PTPN4: variants seen among roughly 807,000 people sequenced by gnomAD.
The protein encoded by PTPN4 is tyrosine-protein phosphatase non-receptor type 4.
Under a neutral mutation model 135.5 loss-of-function variants are expected in PTPN4, and 49 were observed. That is an observed-to-expected ratio of 0.36 (90% CI 0.29 to 0.46). The LOEUF (loss-of-function observed/expected upper bound fraction) is 0.46, where lower values mean the gene tolerates loss of function less well. Among genes scored for constraint, PTPN4 ranks in the 20% least tolerant of loss-of-function variants. The pLI is 1.00. For missense variants in PTPN4, 860 were observed against 1,101.0 expected (o/e 0.78, Z 3.10); for synonymous variants, 333 against 369.9 (o/e 0.90, Z 1.14).
intron 2 of PTPN4, among the ~76,000 whole-genome samples, chr2:119,837,481 G>T (rs945939130): frequency 5.9e-5 from 9 of 151,718 alleles, no homozygotes; most frequent in Non-Finnish European, 1.3e-4. Context: ...GAGCTATGCT[G>T]TCGCTCCGTG....
chr2:119,881,832 TG>T lies in PTPN4; in HGVS notation c.413+5del. On this transcript the variant is annotated splice_donor_region_variant and intron_variant, in intron 6 of 26. Transcript: ENST00000263708. ...TAAACAAGACATTCTTACTGGAAGG[TG>T]GGCTCTTTAAATTTCTTAAAAAATT... 6.4e-7 allele frequency: 1 copy of T among 1,554,796 alleles called. No individual in the cohort carries two copies.
At chr2:119,963,755 C>A (rs1313582744) in intron 24 of PTPN4, among the ~76,000 whole-genome samples, 1 of 152,182 alleles carries the variant, frequency 6.6e-6, no homozygotes, top group East Asian at 1.9e-4. Context: ...CTGTGTAGCT[C>A]ATGGTCTAAT....
intron 26 of PTPN4, among the ~76,000 whole-genome samples, chr2:119,968,861 CTGAG>C (rs1679485274): frequency 6.6e-6 from 1 of 152,130 alleles, no homozygotes; most frequent in Admixed American, 6.5e-5. Context: ...GCATTCTACA[CTGAG>C]TATTAATTAT....
At chr2:119,943,515 A>G (rs982126996) in intron 15 of PTPN4, among the ~76,000 whole-genome samples, 1 of 151,206 alleles carries the variant, frequency 6.6e-6, no homozygotes, top group African/African-American at 2.4e-5. Context: ...TGTTTGGGAC[A>G]TGGCTAGTCT....
At chr2:119,826,688 T>C (rs112588018) in intron 2 of PTPN4, among the ~76,000 whole-genome samples, 2 of 152,340 alleles carry the variant, frequency 1.3e-5, no homozygotes, top group African/African-American at 4.8e-5. Context: ...AAAACTGTGC[T>C]CTAAGGTTAA....
intron 1 of PTPN4, among the ~76,000 whole-genome samples, chr2:119,778,059 T>C (rs911555584): frequency 3.3e-5 from 5 of 152,148 alleles, no homozygotes; most frequent in Non-Finnish European, 7.4e-5. Context: ...TAATAAAATA[T>C]TTTTTGCTAG....
intron 16 of PTPN4, among the ~76,000 whole-genome samples, chr2:119,945,490 A>T (rs193020804): frequency 2.2e-3 from 328 of 152,246 alleles, no homozygotes; most frequent in Middle Eastern, 6.8e-3. Flanking sequence ...CCTATAAGAG[A>T]TCATCTCTGA....
intron 10 of PTPN4, among the ~76,000 whole-genome samples, chr2:119,907,373 G>A (rs1374518073): frequency 6.6e-6 from 1 of 152,166 alleles, no homozygotes; most frequent in African/African-American, 2.4e-5. Context: ...GCCAAGGCAA[G>A]AGGATTGCTT....
chr2:119,915,159 A>T lies in PTPN4; in HGVS notation c.765-20A>T. 1 of 1,500,956 alleles carries T rather than the reference A, an allele frequency of 6.7e-7. No individual in the cohort carries two copies. The highest frequency in any genetic ancestry group is 8.9e-7 in the Non-Finnish European group (1 of 1,118,714). The allele number at this position is 1,500,956 out of a possible 1,614,324, so 93.0% of individuals were successfully genotyped here. ...TTATCATTATTCAATACTTTGAATA[A>T]TTTATTGTCTTTTGTCCAGGTTGAA... On this transcript the variant is annotated intron_variant, in intron 10 of 26. Transcript: ENST00000263708.
chr2:119,798,403 G>A (rs2104940703), intron 1 of PTPN4, among the ~76,000 whole-genome samples: 1 of 152,298 alleles, frequency 6.6e-6, no homozygotes, highest in African/African-American at 2.4e-5. Flanking sequence ...TGGACCTCAG[G>A]TGATCCTCCC....
intron 2 of PTPN4, among the ~76,000 whole-genome samples, chr2:119,841,612 A>G (rs1428915525): frequency 6.6e-6 from 1 of 152,034 alleles, no homozygotes; most frequent in Non-Finnish European, 1.5e-5. Flanking sequence ...GCTCAAAAGG[A>G]TTTACATTTT....
At chr2:119,866,212 C>T (rs1212776987) in intron 3 of PTPN4, among the ~76,000 whole-genome samples, 1 of 152,046 alleles carries the variant, frequency 6.6e-6, no homozygotes, top group Non-Finnish European at 1.5e-5. Context: ...TGCTATTTAA[C>T]AGAGGCTTGA....
chr2:119,853,356 T>C (rs1677625187), intron 2 of PTPN4, among the ~76,000 whole-genome samples: 1 of 152,210 alleles, frequency 6.6e-6, no homozygotes, highest in African/African-American at 2.4e-5. Context: ...AATTCTGTTT[T>C]ACTTTTTCTG....
At chr2:119,956,804 TG>T in intron 20 of PTPN4, 39 bp from the exon 21 acceptor site, 2 of 1,578,168 alleles carry the variant, frequency 1.3e-6, no homozygotes, top group South Asian at 2.4e-5. Context: ...AAATTGTTTA[TG>T]GCTTTTGTTG....
intron 1 of PTPN4, among the ~76,000 whole-genome samples, chr2:119,764,967 C>G (rs1218632328): frequency 6.6e-6 from 1 of 152,098 alleles, no homozygotes; most frequent in Non-Finnish European, 1.5e-5. Flanking sequence ...GGGGAAAGAT[C>G]ACAGACTTTG....
intron 12 of PTPN4, among the ~76,000 whole-genome samples, chr2:119,924,948 A>G (rs1446907829): frequency 6.6e-6 from 1 of 152,176 alleles, no homozygotes; most frequent in East Asian, 1.9e-4. Flanking sequence ...TTATGGAGAA[A>G]AAAACAAGAA....
rs1353241621 is a variant in PTPN4, at chr2:119,809,845, T to C, written c.-9T>C. The C allele has an allele frequency of 6.3e-7, 1 of 1,576,986 alleles. No homozygotes were observed. The highest frequency in any genetic ancestry group is 2.0e-5 in the Admixed American group (1 of 49,018). Reference sequence around the variant, plus strand: ...TTTTTTTTTTAACTTAGACTTTGTGTGGACAGTAATGACCTCACGTTTCCG... The same window carrying C: ...TTTTTTTTTTAACTTAGACTTTGTGCGGACAGTAATGACCTCACGTTTCCG... On this transcript the variant is annotated 5_prime_UTR_variant, in exon 2 of 27. Transcript: ENST00000263708.
chr2:119,836,830 C>G (rs1677301831), intron 2 of PTPN4, among the ~76,000 whole-genome samples: 1 of 152,240 alleles, frequency 6.6e-6, no homozygotes, highest in South Asian at 2.1e-4. Context: ...GTGGTGATAA[C>G]ACACCAGCCT....
At chr2:119,835,539 A>G (rs1442128904) in intron 2 of PTPN4, among the ~76,000 whole-genome samples, 1 of 152,042 alleles carries the variant, frequency 6.6e-6, no homozygotes, top group African/African-American at 2.4e-5. Flanking sequence ...TCAAATGAAG[A>G]TGTATTCCTA....
Sources: allele counts gnomAD v4.1 joint callset (sites outside exome capture counted in the v4.1 genomes callset), GRCh38; gene constraint gnomAD v4.1.1; transcripts MANE v1.5; gene names NCBI Gene and HGNC (gene_info 2026-07-23, HGNC 2026-07-21).